KCNT2: variants seen among roughly 807,000 people sequenced by gnomAD.
KCNT2 encodes potassium channel subfamily T member 2.
In KCNT2, 67 loss-of-function variants were observed where a neutral mutation model predicts 153.8. That is an observed-to-expected ratio of 0.44 (90% CI 0.36 to 0.53). KCNT2 has a LOEUF of 0.53. Ranked by LOEUF, KCNT2 falls within the 20% of genes least tolerant of loss-of-function variation. The pLI is 0.00. For missense variants in KCNT2, 975 were observed against 1,354.8 expected, an observed-to-expected ratio of 0.72 and a Z score of 4.40; for synonymous variants, 500 against 458.8, an observed-to-expected ratio of 1.09 and a Z score of -1.15.
intron 12 of KCNT2, chr1:196,404,204 C>T: frequency 1.2e-6 from 1 of 844,520 alleles, no homozygotes; most frequent in Non-Finnish European, 1.4e-6. Context: ...CCACTTTTCT[C>T]CAGCACCAGT....
At chr1:196,378,911 T>C (rs1052052392) in intron 13 of KCNT2, among the ~76,000 whole-genome samples, 2 of 150,148 alleles carry the variant, frequency 1.3e-5, no homozygotes, top group African/African-American at 4.9e-5. Context: ...CCAGTATTCA[T>C]TTTCTCTTTC....
chr1:196,412,911 C>CA (rs971077569), intron 12 of KCNT2, among the ~76,000 whole-genome samples: 1 of 151,072 alleles, frequency 6.6e-6, no homozygotes, highest in East Asian at 1.9e-4. Context: ...AATGTAACTT[C>CA]AAAAATGAAA....
At chr1:196,539,452 G>A (rs1003327098) in intron 1 of KCNT2, among the ~76,000 whole-genome samples, 5 of 152,028 alleles carry the variant, frequency 3.3e-5, no homozygotes, top group Non-Finnish European at 7.4e-5. Context: ...CCTAATATTA[G>A]TATATTACAC....
Position 196,342,240 on chromosome 1 carries a change from GCA to G in KCNT2, c.1404-14_1404-13del. 1.2e-6 allele frequency: 2 copies of G among 1,606,178 alleles called. No individual in the cohort carries two copies. Among genetic ancestry groups the G allele is most frequent in the Non-Finnish European group, 1.7e-6 (2 of 1,175,986 alleles). On this transcript the variant is annotated splice_polypyrimidine_tract_variant and intron_variant, in intron 14 of 27. Transcript: ENST00000294725. ...ATTGCTGGCCTTCTCTGCAACACAG[GCA>G]CACACACATACACACACACAAAAAG...
At chr1:196,550,275 A>G (rs774177470) in intron 1 of KCNT2, among the ~76,000 whole-genome samples, 8 of 151,896 alleles carry the variant, frequency 5.3e-5, no homozygotes, top group Non-Finnish European at 1.0e-4. Context: ...GAGAGAAAAA[A>G]AAATTTAAAC....
chr1:196,504,487 T>C (rs1680966209), intron 1 of KCNT2, among the ~76,000 whole-genome samples: 2 of 152,150 alleles, frequency 1.3e-5, no homozygotes, highest in Admixed American at 1.3e-4. Flanking sequence ...TCTATCATTG[T>C]TGGACATTTG....
intron 12 of KCNT2, among the ~76,000 whole-genome samples, chr1:196,414,604 G>A (rs558456812): frequency 1.3e-5 from 2 of 151,816 alleles, no homozygotes; most frequent in East Asian, 3.9e-4. Context: ...TAACTGTCTT[G>A]ATAAAATGTA....
At chr1:196,517,994 A>G (rs1405426854) in intron 1 of KCNT2, among the ~76,000 whole-genome samples, 1 of 152,184 alleles carries the variant, frequency 6.6e-6, no homozygotes, top group Non-Finnish European at 1.5e-5. Context: ...AAATGAAAGA[A>G]TATTAAAGGC....
chr1:196,364,433 G>A (rs1465461156), intron 14 of KCNT2, among the ~76,000 whole-genome samples: 2 of 152,040 alleles, frequency 1.3e-5, no homozygotes, highest in East Asian at 1.9e-4. Flanking sequence ...TGAAATTACA[G>A]AATCACTTTT....
intron 1 of KCNT2, among the ~76,000 whole-genome samples, chr1:196,599,963 T>A (rs1296115510): frequency 6.6e-6 from 1 of 152,212 alleles, no homozygotes; most frequent in Non-Finnish European, 1.5e-5. Context: ...GACAAATAAG[T>A]CTAATATCAC....
chr1:196,542,452 A>G (rs1448864460), intron 1 of KCNT2, among the ~76,000 whole-genome samples: 1 of 152,128 alleles, frequency 6.6e-6, no homozygotes, highest in Non-Finnish European at 1.5e-5. Context: ...AGCTTACTGG[A>G]TAAGGAGATG....
At chr1:196,498,709 A>G (rs904423285) in intron 1 of KCNT2, among the ~76,000 whole-genome samples, 4 of 152,200 alleles carry the variant, frequency 2.6e-5, no homozygotes, top group African/African-American at 9.7e-5. Flanking sequence ...AGATTGTGGC[A>G]TCCTGCTAAT....
chr1:196,235,306 T>C (rs2102233443), intron 27 of KCNT2, among the ~76,000 whole-genome samples: 2 of 151,516 alleles, frequency 1.3e-5, no homozygotes, highest in Admixed American at 1.3e-4. Flanking sequence ...AGAGTCTAGT[T>C]TAAGTCTTAC....
chr1:196,283,123 C>T (rs114001802), intron 23 of KCNT2, among the ~76,000 whole-genome samples: 7,530 of 152,242 alleles, frequency 0.049, 276 homozygotes, highest in Non-Finnish European at 0.071. Flanking sequence ...GGATTACTGG[C>T]ATAAGCCAAC....
At chr1:196,372,330 T>C (rs1439389032) in intron 14 of KCNT2, among the ~76,000 whole-genome samples, 1 of 151,970 alleles carries the variant, frequency 6.6e-6, no homozygotes, top group East Asian at 1.9e-4. Context: ...ACACTTCACC[T>C]AAACAATTAT....
At chr1:196,386,437 T>G (rs1669994287) in intron 13 of KCNT2, among the ~76,000 whole-genome samples, 1 of 152,146 alleles carries the variant, frequency 6.6e-6, no homozygotes, top group African/African-American at 2.4e-5. Context: ...AAGTAGTGCC[T>G]TAGAACAGTA....
intron 1 of KCNT2, among the ~76,000 whole-genome samples, chr1:196,529,795 C>T (rs1002834628): frequency 6.6e-6 from 1 of 152,170 alleles, no homozygotes; most frequent in South Asian, 2.1e-4. Context: ...ATATTCCTCT[C>T]GGCTTCTTTC....
intron 27 of KCNT2, among the ~76,000 whole-genome samples, chr1:196,233,100 C>T (rs991772248): frequency 1.1e-4 from 17 of 151,174 alleles, no homozygotes; most frequent in African/African-American, 4.1e-4. Flanking sequence ...TCATAATATA[C>T]TATGTGAAGG....
intron 19 of KCNT2, among the ~76,000 whole-genome samples, chr1:196,322,488 A>G (rs1234832815): frequency 1.3e-5 from 2 of 151,930 alleles, no homozygotes; most frequent in Non-Finnish European, 2.9e-5. Flanking sequence ...GATGTTAGTA[A>G]ACAGAAGGAA....
Sources: allele counts gnomAD v4.1 joint callset (sites outside exome capture counted in the v4.1 genomes callset), GRCh38; gene constraint gnomAD v4.1.1; transcripts MANE v1.5; gene names NCBI Gene and HGNC (gene_info 2026-07-23, HGNC 2026-07-21).